Variants in FBLN5 observed in about 807,000 individuals in gnomAD.
The protein encoded by FBLN5 is fibulin-5.
In FBLN5, 24 loss-of-function variants were observed where a neutral mutation model predicts 61.6. The ratio of observed to expected loss-of-function variants is 0.39; its 90% CI spans 0.28 to 0.55. The LOEUF is 0.55. Ranked by LOEUF, FBLN5 falls within the 20% of genes least tolerant of loss-of-function variation. The pLI is 0.65. For missense variants in FBLN5, 470 were observed against 594.1 expected (o/e 0.79, Z 2.17); for synonymous variants, 213 against 219.8 (o/e 0.97, Z 0.27).
At position 91,947,635 on chromosome 14, in the gene FBLN5, G is replaced by A. The variant is rs895964138; in HGVS notation, c.-406C>T. 3.6e-5 allele frequency: 7 copies of A among 194,932 alleles called. No individual in the cohort carries two copies. Among genetic ancestry groups the A allele is most frequent in the East Asian group, 1.2e-4 (1 of 8,160 alleles). The allele number at this position is 194,932 out of a possible 1,614,324, so 12.1% of individuals were successfully genotyped here. On this transcript the variant is annotated 5_prime_UTR_variant, in exon 1 of 11. Transcript: ENST00000342058. The surrounding 1 kb of genome is among the most constrained non-coding windows in gnomAD (Gnocchi z 4.3). Reference sequence around the variant, plus strand: ...GGGCGTCTGCCAGGGCCCAGTGCTCGGCGCTGGGAGGAGAGCCCTTCCCCG... The same window carrying A: ...GGGCGTCTGCCAGGGCCCAGTGCTCAGCGCTGGGAGGAGAGCCCTTCCCCG...
chr14:91,906,569 G>C (rs1890695316), intron 4 of FBLN5, among the ~76,000 whole-genome samples: 1 of 152,224 alleles, frequency 6.6e-6, no homozygotes, highest in African/African-American at 2.4e-5. Context: ...GAGATACAAT[G>C]ACATGAACCT....
In FBLN5 at chr14:91,901,108, A is replaced by G. The variant is rs373128841; in HGVS notation, c.380-6036T>C. 3.3e-5 allele frequency among the ~76,000 whole-genome samples: 5 copies of G among 152,296 alleles called. No individual in the cohort carries two copies. The South Asian group carries it at 6.2e-4, about 19-fold the overall frequency. On this transcript the variant is annotated intron_variant, in intron 4 of 10. Transcript: ENST00000342058. ...CATCTCTGGGCCCATCTATGATTCT[A>G]TAATTGTAGGCATCCAAAAGCATAA...
chr14:91,909,621 C>A (rs189582648), intron 4 of FBLN5, among the ~76,000 whole-genome samples: 12 of 152,280 alleles, frequency 7.9e-5, no homozygotes, highest in Non-Finnish European at 1.5e-4. Flanking sequence ...AAGACAAAGA[C>A]AGACCCGAGC....
chr14:91,871,394 A>G (rs1282202661), intron 10 of FBLN5, among the ~76,000 whole-genome samples: 3 of 152,108 alleles, frequency 2.0e-5, no homozygotes, highest in Non-Finnish European at 4.4e-5. Flanking sequence ...CAGCTTCACC[A>G]TTCTGTAACC....
intron 9 of FBLN5, among the ~76,000 whole-genome samples, chr14:91,879,751 G>A (rs192570607): frequency 1.1e-4 from 16 of 152,310 alleles, no homozygotes; most frequent in Non-Finnish European, 1.8e-4. Flanking sequence ...CGCCTGTCCC[G>A]GCATTATCCT....
At position 91,943,043 on chromosome 14, in the gene FBLN5, T is replaced by C; in HGVS notation, c.18-82A>G. 1.1e-6 allele frequency: 1 copy of C among 907,110 alleles called. No homozygotes were observed. The highest frequency in any genetic ancestry group is 1.8e-6 in the Non-Finnish European group (1 of 559,168). The allele number at this position is 907,110 out of a possible 1,614,324, so 56.2% of individuals were successfully genotyped here. On this transcript the variant is annotated intron_variant, in intron 1 of 10. Transcript: ENST00000342058. This position sits in a 1 kb window ranked among gnomAD's most constrained non-coding sequence, Gnocchi z 4.0. ...TGTGGGTCGCATGCGGCCCGTGACG[T>C]GTAACGGTGATATCACCTTGGGCTT...
intron 5 of FBLN5, among the ~76,000 whole-genome samples, chr14:91,893,231 C>T (rs1231257358): frequency 6.6e-6 from 1 of 152,226 alleles, no homozygotes; most frequent in East Asian, 1.9e-4. Context: ...TAATATTCAA[C>T]ATCCTTTCCA....
In FBLN5 at chr14:91,882,830, AC is replaced by A; in HGVS notation, c.862+123del. The A allele has an allele frequency of 8.8e-7, 1 of 1,130,174 alleles. No individual in the cohort carries two copies. Among genetic ancestry groups the A allele is most frequent in the East Asian group, 2.6e-5 (1 of 38,174 alleles). 70.0% of individuals were successfully genotyped at this position (1,130,174 alleles called of 1,614,324 possible). ...ATGAGAGCCACCAGCACCCACTCAC[AC>A]CCCCACCCCTGCCACCTTCCCAAAG... On this transcript the variant is annotated intron_variant, in intron 8 of 10. Coordinates refer to ENST00000342058, the MANE Select transcript of FBLN5 (RefSeq NM_006329.4). The surrounding 1 kb of genome is among the most constrained non-coding windows in gnomAD (Gnocchi z 4.9).
intron 8 of FBLN5, among the ~76,000 whole-genome samples, chr14:91,881,731 C>T (rs1278422018): frequency 6.0e-5 from 9 of 150,714 alleles, no homozygotes; most frequent in South Asian, 2.1e-4. Flanking sequence ...AGTTCAAGAC[C>T]GGCCTGGGCA....
rs781009485 is a variant in FBLN5, at chr14:91,894,984, G to A, written c.468C>T (p.Thr156=). The A allele has an allele frequency of 1.3e-5, 21 of 1,614,076 alleles. No homozygotes were observed. The highest frequency in any genetic ancestry group is 1.1e-4 in the East Asian group (5 of 44,874). ...GGCCTTCCAGAAGCCAATATCCGTC[G>A]GTGCAGGAGCAGGTGTACCCGCCTT... The part of the protein sequence containing the change: ...NTEGGYTCSC[T]DGYWLLEGQC... The change falls in exon 5 of 11, where the codon ACC becomes ACT. Residue 156 remains threonine (T), a synonymous_variant. Coordinates refer to ENST00000342058, the MANE Select transcript of FBLN5 (RefSeq NM_006329.4).
intron 10 of FBLN5, chr14:91,873,931 A>C (rs781197329): frequency 4.6e-5 from 7 of 152,168 alleles, no homozygotes; most frequent in Non-Finnish European, 8.8e-5. Flanking sequence ...CACAGTCTGA[A>C]CCCCATGACC....
chr14:91,945,389 T>C (rs770555562), intron 1 of FBLN5, among the ~76,000 whole-genome samples: 22 of 152,064 alleles, frequency 1.4e-4, no homozygotes, highest in Non-Finnish European at 1.3e-4. Context: ...TGAGAACCAG[T>C]TGGGGAGCCA....
At chr14:91,927,149 C>T (rs1455623522) in intron 4 of FBLN5, among the ~76,000 whole-genome samples, 3 of 152,270 alleles carry the variant, frequency 2.0e-5, no homozygotes, top group Non-Finnish European at 4.4e-5. Context: ...AAGCTGTTGT[C>T]GTCAACATCA....
In FBLN5 at chr14:91,923,530, G is replaced by A. The variant is rs1320555224; in HGVS notation, c.379+13417C>T. On this transcript the variant is annotated intron_variant, in intron 4 of 10. Transcript: ENST00000342058. ...TTCTTGTCTCCATGTCTCTGCCCAT[G>A]CTGTTCCCTAACCCTGACTGCCCTT... Among the ~76,000 whole-genome samples the A allele has an allele frequency of 2.0e-5, 3 of 152,204 alleles. No homozygotes were observed. The Middle Eastern group carries it at 9.5e-3, about 482-fold the overall frequency.
At chr14:91,890,779 G>A (rs958213230) in intron 6 of FBLN5, among the ~76,000 whole-genome samples, 6 of 152,090 alleles carry the variant, frequency 3.9e-5, no homozygotes, top group African/African-American at 7.2e-5. Flanking sequence ...CCTCAGAATC[G>A]CCCACGACAC....
rs939343436 is a variant in FBLN5, at chr14:91,882,214, A to AT, written c.862+739dup. Among the ~76,000 whole-genome samples, 1 of 152,238 alleles carries AT rather than the reference A, an allele frequency of 6.6e-6. No homozygotes were observed. Among genetic ancestry groups the AT allele is most frequent in the African/African-American group, 2.4e-5 (1 of 41,530 alleles). On this transcript the variant is annotated intron_variant, in intron 8 of 10. Coordinates refer to ENST00000342058, the MANE Select transcript of FBLN5 (RefSeq NM_006329.4). The surrounding 1 kb of genome is among the most constrained non-coding windows in gnomAD (Gnocchi z 4.9). The stretch of plus-strand genomic sequence containing the variant: ...TATAGTAGTAAAAGTAATTTTACCC[A>AT]TTTTTTTCCTCTTTTAATGTGGCTA...
chr14:91,894,428 C>CAAAAAAAAA (rs1491576623), intron 5 of FBLN5, among the ~76,000 whole-genome samples: 3 of 72,598 alleles, frequency 4.1e-5, no homozygotes, highest in Non-Finnish European at 7.5e-5. Context: ...AAAAAAAAAA[C>CAAAAAAAAA]CGAAAAAAAC....
intron 4 of FBLN5, among the ~76,000 whole-genome samples, chr14:91,902,163 C>A (rs896302023): frequency 2.6e-5 from 4 of 152,158 alleles, no homozygotes; most frequent in African/African-American, 9.7e-5. Flanking sequence ...TGGTCCCTGC[C>A]ACGGGGCCAG....
intron 4 of FBLN5, among the ~76,000 whole-genome samples, chr14:91,924,852 C>G (rs555114109): frequency 4.1e-4 from 63 of 152,306 alleles, no homozygotes; most frequent in South Asian, 1.7e-3. Context: ...TCCCATCATA[C>G]TTCATCCCTG....
Sources: gnomAD v4.1 joint callset for allele counts (sites outside exome capture counted in the v4.1 genomes callset) on GRCh38, gnomAD v4.1.1 for gene constraint, Gnocchi (gnomAD v3.1) non-coding constraint, MANE v1.5 for transcripts, NCBI Gene and HGNC (gene_info 2026-07-23, HGNC 2026-07-21) for gene names.